MATCAP2: variants seen among roughly 807,000 people sequenced by gnomAD.
MATCAP2 encodes microtubule associated tyrosine carboxypeptidase 2, also known as putative tyrosine carboxypeptidase MATCAP2.
chr7:36,367,376 C>G, the MATCAP2 span: 1 of 983,894 alleles, frequency 1.0e-6, no homozygotes. Context: ...CGGGCCAGTG[C>G]CTCCGGGGCT....
the MATCAP2 span, chr7:36,367,263 T>G: frequency 1.9e-6 from 2 of 1,056,370 alleles, no homozygotes; most frequent in Non-Finnish European, 2.3e-6. Context: ...CCGCGCGCGC[T>G]GCGCTTCACG....
At chr7:36,340,668 C>G in the MATCAP2 span, among the ~76,000 whole-genome samples, 1 of 152,346 alleles carries the variant, frequency 6.6e-6, no homozygotes, top group African/African-American at 2.4e-5. Flanking sequence ...TATCAGTGAT[C>G]TGCAGCATCC....
chr7:36,381,660 G>A, the MATCAP2 span, among the ~76,000 whole-genome samples: 3,049 of 142,294 alleles, frequency 0.021, 51 homozygotes, highest in Middle Eastern at 0.056. Context: ...GACAGAGTGA[G>A]ACTCCATCTC....
the MATCAP2 span, among the ~76,000 whole-genome samples, chr7:36,374,285 G>A: frequency 6.8e-6 from 1 of 147,594 alleles, no homozygotes; most frequent in African/African-American, 2.5e-5. Context: ...TCACTATGTT[G>A]CCCAGGCTGG....
At chr7:36,330,358 C>CA in the MATCAP2 span, among the ~76,000 whole-genome samples, 1 of 152,096 alleles carries the variant, frequency 6.6e-6, no homozygotes, top group South Asian at 2.1e-4. Context: ...CTTGGCCTCC[C>CA]AAAGTGTTGG....
At chr7:36,385,787 A>AAAATTAAAAT in the MATCAP2 span, among the ~76,000 whole-genome samples, 2 of 119,382 alleles carry the variant, frequency 1.7e-5, no homozygotes, top group Non-Finnish European at 3.4e-5. Flanking sequence ...CCCTATTTCA[A>AAAATTAAAAT]AAAATAAAAT....
chr7:36,339,981 G>A, the MATCAP2 span, among the ~76,000 whole-genome samples: 1 of 152,192 alleles, frequency 6.6e-6, no homozygotes, highest in Admixed American at 6.5e-5. Flanking sequence ...TCCTGCCTCA[G>A]CCTCCTGAGT....
At chr7:36,350,442 G>C in the MATCAP2 span, among the ~76,000 whole-genome samples, 3 of 151,912 alleles carry the variant, frequency 2.0e-5, no homozygotes, top group Non-Finnish European at 4.4e-5. Context: ...ATGTGAAATA[G>C]AGCTGGTGAA....
chr7:36,357,046 A>G, the MATCAP2 span: 3 of 1,614,208 alleles, frequency 1.9e-6, no homozygotes, highest in Non-Finnish European at 2.5e-6. Context: ...TGGGTTTTAT[A>G]GCAGTCAATA....
the MATCAP2 span, among the ~76,000 whole-genome samples, chr7:36,329,990 G>A: frequency 6.6e-6 from 1 of 151,616 alleles, no homozygotes; most frequent in Non-Finnish European, 1.5e-5. Flanking sequence ...TCATCAGAAG[G>A]AAACAATCTG....
the MATCAP2 span, chr7:36,356,871 A>G: frequency 0.099 from 152,550 of 1,541,662 alleles, 8,716 homozygotes; most frequent in Admixed American, 0.19. Flanking sequence ...GTACATAAAA[A>G]TGAACTACCA....
chr7:36,329,995 A>G, the MATCAP2 span, among the ~76,000 whole-genome samples: 1 of 152,116 alleles, frequency 6.6e-6, no homozygotes, highest in African/African-American at 2.4e-5. Context: ...AGAAGGAAAC[A>G]ATCTGATAAT....
chr7:36,389,373 T>A, the MATCAP2 span, among the ~76,000 whole-genome samples: 3 of 151,626 alleles, frequency 2.0e-5, no homozygotes, highest in African/African-American at 7.3e-5. Flanking sequence ...CCTTTTTTTT[T>A]CTTTTTTGAG....
the MATCAP2 span, among the ~76,000 whole-genome samples, chr7:36,376,791 T>C: frequency 4.6e-5 from 7 of 152,358 alleles, no homozygotes; most frequent in Non-Finnish European, 7.3e-5. Flanking sequence ...TGGGTGCATA[T>C]ATATTTAGGA....
the MATCAP2 span, among the ~76,000 whole-genome samples, chr7:36,335,658 A>C: frequency 8.5e-5 from 13 of 152,370 alleles, no homozygotes; most frequent in Admixed American, 7.8e-4. Context: ...AAGAAAAACA[A>C]AAAGACACTG....
the MATCAP2 span, among the ~76,000 whole-genome samples, chr7:36,369,219 AATG>A: frequency 7.0e-4 from 107 of 152,304 alleles, no homozygotes; most frequent in East Asian, 8.3e-3. Context: ...GTGCATTTTC[AATG>A]ATAACTAAAA....
the MATCAP2 span, chr7:36,335,305 C>T: frequency 1.1e-6 from 1 of 883,128 alleles, no homozygotes; most frequent in Non-Finnish European, 1.8e-6. Flanking sequence ...TTAAATCTCC[C>T]AGAAACCAAG....
the MATCAP2 span, among the ~76,000 whole-genome samples, chr7:36,327,427 G>T: frequency 1.1e-4 from 17 of 152,194 alleles, no homozygotes; most frequent in African/African-American, 4.1e-4. Flanking sequence ...GAGCCACCGT[G>T]CCCAGCCTAA....
the MATCAP2 span, among the ~76,000 whole-genome samples, chr7:36,386,602 ACAAAAAC>A: frequency 3.9e-5 from 6 of 152,200 alleles, no homozygotes; most frequent in African/African-American, 1.4e-4. Flanking sequence ...TAAACAACCA[ACAAAAAC>A]CCTATAAATC....
Sources: allele counts gnomAD v4.1 joint callset (sites outside exome capture counted in the v4.1 genomes callset), GRCh38; gene constraint gnomAD v4.1.1; transcripts MANE v1.5; gene names NCBI Gene and HGNC (gene_info 2026-07-23, HGNC 2026-07-21).